SPECC1: variants seen among roughly 807,000 people sequenced by gnomAD.
SPECC1 encodes cytospin-B.
Under a neutral mutation model 104.1 loss-of-function variants are expected in SPECC1, and 62 were observed. That is an observed-to-expected ratio of 0.60 (90% CI 0.49 to 0.74). SPECC1 has a LOEUF of 0.74. Ranked by LOEUF, SPECC1 falls within the 30% of genes least tolerant of loss-of-function variation. SPECC1 has a pLI of 0.00. For missense variants in SPECC1, 1,306 were observed against 1,310.5 expected, an observed-to-expected ratio of 1.00 and a Z score of 0.05; for synonymous variants, 513 against 501.6, an observed-to-expected ratio of 1.02 and a Z score of -0.30.
intron 3 of SPECC1, chr17:20,156,253 G>C: frequency 7.4e-7 from 1 of 1,345,018 alleles, no homozygotes; most frequent in Non-Finnish European, 9.6e-7. Flanking sequence ...GCGGCTGGCG[G>C]GGGTCGCGCC....
At position 20,233,678 on chromosome 17, in the gene SPECC1, T is replaced by C. The variant is rs1269717456; in HGVS notation, c.2351+1273T>C. On this transcript the variant is annotated intron_variant, in intron 7 of 14. Coordinates refer to ENST00000395527, the MANE Select transcript of SPECC1 (RefSeq NM_001243439.2). ...TGCGCCAGACAAGGTCATTACTTTA[T>C]AGACAGAGCTCTCCCTCTGGACACC... Among the ~76,000 whole-genome samples, 3 of 152,350 alleles carry C rather than the reference T, an allele frequency of 2.0e-5. No individual in the cohort carries two copies. In the East Asian group the frequency reaches 5.8e-4, roughly 29 times the overall value.
intron 11 of SPECC1, among the ~76,000 whole-genome samples, chr17:20,259,350 A>G (rs192660483): frequency 3.9e-5 from 6 of 152,356 alleles, no homozygotes; most frequent in Non-Finnish European, 8.8e-5. Context: ...CAAAAAGGCT[A>G]TATGTATATG....
chr17:20,232,937 A>G (rs1021181156), intron 7 of SPECC1, among the ~76,000 whole-genome samples: 1 of 152,224 alleles, frequency 6.6e-6, no homozygotes, highest in African/African-American at 2.4e-5. Context: ...GAAAACATGC[A>G]TTTGGCTGAT....
At chr17:20,208,630 A>T (rs1215158281) in intron 4 of SPECC1, among the ~76,000 whole-genome samples, 1 of 152,276 alleles carries the variant, frequency 6.6e-6, no homozygotes, top group Non-Finnish European at 1.5e-5. Flanking sequence ...GACCTTGGGC[A>T]GGCCCCTTTA....
In SPECC1 at chr17:20,232,191, C is replaced by T; in HGVS notation, c.2146-9C>T. Reference sequence around the variant, plus strand: ...CGTCTGACATAAGGATGGGCTCTGACATTTTCAGGAGGAGACCGAGGAATG... The same window carrying T: ...CGTCTGACATAAGGATGGGCTCTGATATTTTCAGGAGGAGACCGAGGAATG... On this transcript the variant is annotated splice_polypyrimidine_tract_variant and intron_variant, in intron 6 of 14. Coordinates refer to ENST00000395527, the MANE Select transcript of SPECC1 (RefSeq NM_001243439.2). 1 of 1,613,740 alleles carries T rather than the reference C, an allele frequency of 6.2e-7. No homozygotes were observed. Among genetic ancestry groups the T allele is most frequent in the Non-Finnish European group, 8.5e-7 (1 of 1,180,018 alleles).
At chr17:20,092,137 A>G (rs1383458508) in intron 1 of SPECC1, among the ~76,000 whole-genome samples, 1 of 151,972 alleles carries the variant, frequency 6.6e-6, no homozygotes, top group East Asian at 1.9e-4. Flanking sequence ...ACTATTCTGG[A>G]GAGGAGAGAA....
chr17:20,075,248 C>G (rs2046713330), intron 1 of SPECC1, among the ~76,000 whole-genome samples: 2 of 152,118 alleles, frequency 1.3e-5, no homozygotes, highest in Non-Finnish European at 2.9e-5. Flanking sequence ...ATTTTGAGCT[C>G]TCACTGTACA....
intron 3 of SPECC1, among the ~76,000 whole-genome samples, chr17:20,186,333 T>C (rs1003736858): frequency 6.6e-6 from 1 of 152,150 alleles, no homozygotes; most frequent in African/African-American, 2.4e-5. Flanking sequence ...AAAAAAGCAA[T>C]GTACATGCCT....
In SPECC1 at chr17:20,249,844, T is replaced by A. The variant is rs76742072; in HGVS notation, c.2598+2525T>A. Among the ~76,000 whole-genome samples the A allele has an allele frequency of 5.3e-3, 809 of 152,024 alleles. 8 individuals are homozygous for A. Among genetic ancestry groups the A allele is most frequent in the African/African-American group, 0.019 (770 of 41,464 alleles). Reference sequence around the variant, plus strand: ...TGGAATAAAAAAATCTCATGTGTAATTGGAGTCCCCAAAAGGGGAGAAAAA... The same window carrying A: ...TGGAATAAAAAAATCTCATGTGTAAATGGAGTCCCCAAAAGGGGAGAAAAA... On this transcript the variant is annotated intron_variant, in intron 9 of 14. Transcript: ENST00000395527.
intron 1 of SPECC1, among the ~76,000 whole-genome samples, chr17:20,012,720 T>G (rs1195106299): frequency 1.3e-5 from 2 of 152,008 alleles, no homozygotes; most frequent in Non-Finnish European, 2.9e-5. Context: ...AACATAAAAT[T>G]TATTATTTAT....
At chr17:20,169,153 G>A (rs574161287) in intron 3 of SPECC1, among the ~76,000 whole-genome samples, 1 of 152,162 alleles carries the variant, frequency 6.6e-6, no homozygotes, top group Non-Finnish European at 1.5e-5. Flanking sequence ...GATTATAGGC[G>A]TGAGCCACTC....
chr17:20,238,836 A>G, intron 7 of SPECC1: 2 of 1,045,600 alleles, frequency 1.9e-6, no homozygotes, highest in Non-Finnish European at 2.3e-6. Flanking sequence ...GTACTGTTGA[A>G]TATTTTTATC....
intron 12 of SPECC1, among the ~76,000 whole-genome samples, chr17:20,296,552 G>T (rs1384772430): frequency 1.3e-5 from 2 of 152,126 alleles, no homozygotes; most frequent in African/African-American, 2.4e-5. Flanking sequence ...TTCCAATTCT[G>T]TGAAGAAAGT....
intron 2 of SPECC1, among the ~76,000 whole-genome samples, chr17:20,108,473 G>T (rs1214759938): frequency 6.6e-6 from 1 of 152,066 alleles, no homozygotes; most frequent in Non-Finnish European, 1.5e-5. Flanking sequence ...CAGCACCCCA[G>T]AAGGTTTCTT....
chr17:20,156,093 C>A, intron 3 of SPECC1: 1 of 1,345,454 alleles, frequency 7.4e-7, no homozygotes, highest in Non-Finnish European at 9.5e-7. Flanking sequence ...CTGGAGCGGA[C>A]CCGCCGGACG....
intron 3 of SPECC1, among the ~76,000 whole-genome samples, chr17:20,184,305 A>G (rs1567912905): frequency 6.6e-6 from 1 of 152,086 alleles, no homozygotes; most frequent in East Asian, 1.9e-4. Flanking sequence ...CTCACAAGAG[A>G]GTGTTTACAC....
Position 20,257,431 on chromosome 17 carries a change from T to C in SPECC1, c.2681-20T>C. On this transcript the variant is annotated intron_variant, in intron 10 of 14. Transcript: ENST00000395527. The stretch of plus-strand genomic sequence containing the variant: ...GAGCTGCTTCTTTGGGAATGAGTGA[T>C]TATGTGGTTGTTCCCACAGATATTC... The C allele has an allele frequency of 6.4e-7, 1 of 1,555,820 alleles. No homozygotes were observed. The highest frequency in any genetic ancestry group is 8.6e-7 in the Non-Finnish European group (1 of 1,156,362).
At chr17:20,163,021 T>TC (rs2033311473) in intron 3 of SPECC1, among the ~76,000 whole-genome samples, 1 of 152,016 alleles carries the variant, frequency 6.6e-6, no homozygotes, top group Non-Finnish European at 1.5e-5. Context: ...AGAGCAAAAC[T>TC]CCATCTCAAA....
Position 20,205,502 on chromosome 17 carries a change from C to G in SPECC1, c.1453C>G (p.Leu485Val), listed in dbSNP as rs753538516. 6.2e-7 allele frequency: 1 copy of G among 1,614,156 alleles called. No homozygotes were observed. The highest frequency in any genetic ancestry group is 8.5e-7 in the Non-Finnish European group (1 of 1,180,036). Reference sequence around the variant, plus strand: ...GGGCCGCTTTGAAAGAGAGAAGCTACTCAACATTCAGCAGCAGTTGACCTG... The same window carrying G: ...GGGCCGCTTTGAAAGAGAGAAGCTAGTCAACATTCAGCAGCAGTTGACCTG... ...EQGRFEREKL[L>V]NIQQQLTCSL... Residue 485 changes from leucine (L) to valine (V), a missense_variant, in exon 4 of 15, where the codon CTC becomes GTC. Leu to Val is a conservative substitution (Grantham distance 32). Transcript: ENST00000395527.
Sources: gnomAD v4.1 joint callset for allele counts (sites outside exome capture counted in the v4.1 genomes callset) on GRCh38, gnomAD v4.1.1 for gene constraint, MANE v1.5 for transcripts, NCBI Gene and HGNC (gene_info 2026-07-23, HGNC 2026-07-21) for gene names.